The following PCNX2 variants were observed in gnomAD, a reference collection of about 807,000 sequenced individuals.
The protein encoded by PCNX2 is pecanex-like protein 2.
PCNX2 carries 168 observed loss-of-function variants against 223.8 expected under a neutral mutation model. That is an observed-to-expected ratio of 0.75 (90% CI 0.66 to 0.85). PCNX2 has a LOEUF of 0.85. PCNX2 is among the 40% of genes least tolerant of loss of function. The pLI, the probability that PCNX2 is intolerant of heterozygous loss-of-function variation, is 0.00. For missense variants in PCNX2, 2,507 were observed against 2,675.5 expected, an observed-to-expected ratio of 0.94 and a Z score of 1.39; for synonymous variants, 1,006 against 1,052.6, an observed-to-expected ratio of 0.96 and a Z score of 0.86.
chr1:233,131,981 GGCTGGAGTGCAGTGGT>G (rs2102760288), intron 21 of PCNX2, among the ~76,000 whole-genome samples: 1 of 150,976 alleles, frequency 6.6e-6, no homozygotes, highest in South Asian at 2.1e-4. Context: ...CTGTTGCCCA[GGCTGGAGTGCAGTGGT>G]GGGATTTCAG....
At chr1:233,267,026 A>G (rs992726169) in intron 1 of PCNX2, among the ~76,000 whole-genome samples, 8 of 151,024 alleles carry the variant, frequency 5.3e-5, no homozygotes, top group Non-Finnish European at 7.4e-5. Context: ...TCTTTTCTTT[A>G]AAACTTTTGT....
chr1:233,244,143 A>T (rs1658959408), intron 8 of PCNX2, among the ~76,000 whole-genome samples: 1 of 152,216 alleles, frequency 6.6e-6, no homozygotes, highest in Non-Finnish European at 1.5e-5. Flanking sequence ...TTTAATTTTT[A>T]AAGCAAACCA....
At chr1:233,295,802 C>T (rs985895751), upstream of PCNX2, 4 of 277,082 alleles carry the variant, frequency 1.4e-5, no homozygotes, top group African/African-American at 8.9e-5. The surrounding 1 kb of genome is among the most constrained non-coding windows in gnomAD (Gnocchi z 4.1). Context: ...CCGCCCAGTC[C>T]CTCCTTAGCC....
At chr1:233,137,672 G>A (rs376727157) in intron 20 of PCNX2, among the ~76,000 whole-genome samples, 3 of 152,156 alleles carry the variant, frequency 2.0e-5, no homozygotes, top group Non-Finnish European at 4.4e-5. Flanking sequence ...AGGATGTTAC[G>A]TGAAGATAGA....
intron 1 of PCNX2, among the ~76,000 whole-genome samples, chr1:233,279,086 T>G (rs1196923982): frequency 1.3e-5 from 2 of 152,232 alleles, no homozygotes; most frequent in East Asian, 3.8e-4. Flanking sequence ...GAAAATGGAA[T>G]TCAGAGACTA....
intron 25 of PCNX2, among the ~76,000 whole-genome samples, chr1:233,049,437 C>T (rs777651905): frequency 6.6e-6 from 1 of 152,112 alleles, no homozygotes; most frequent in East Asian, 1.9e-4. Context: ...AATTCAACAT[C>T]CTTTCATGGT....
In PCNX2 at chr1:233,001,522, A is replaced by AAATAATTAAAAT. The variant is rs755559576; in HGVS notation, c.5097+14_5097+15insATTTTAATTATT. The stretch of plus-strand genomic sequence containing the variant: ...TAAATAAATAAATAAATAAATAAAT[A>AAATAATTAAAAT]AAATAGGTTTTTACCTGGTGAAGTT... On this transcript the variant is annotated intron_variant, in intron 29 of 33. Coordinates refer to ENST00000258229, the MANE Select transcript of PCNX2 (RefSeq NM_014801.4). The surrounding 1 kb of genome is among the most constrained non-coding windows in gnomAD (Gnocchi z 4.2). 1.8e-6 allele frequency: 2 copies of AAATAATTAAAAT among 1,099,898 alleles called. No homozygotes were observed. The highest frequency in any genetic ancestry group is 3.8e-5 in the African/African-American group (2 of 52,986). 68.1% of individuals were successfully genotyped at this position (1,099,898 alleles called of 1,614,324 possible). A position where few individuals can be genotyped will look rare whatever the true frequency, so the allele number is the denominator to read the frequency against.
intron 8 of PCNX2, chr1:233,241,155 G>T: frequency 1.0e-6 from 1 of 982,078 alleles, no homozygotes; most frequent in East Asian, 1.1e-4. Context: ...TTTTAACAGG[G>T]ATTCTTGTTC....
chr1:233,267,275 C>A (rs554805164), intron 1 of PCNX2, among the ~76,000 whole-genome samples: 14 of 123,744 alleles, frequency 1.1e-4, no homozygotes, highest in African/African-American at 3.7e-4. Context: ...CAAGATCGCA[C>A]GCACCATTGC....
chr1:233,268,532 G>A (rs1355451940), intron 1 of PCNX2, among the ~76,000 whole-genome samples: 2 of 152,178 alleles, frequency 1.3e-5, no homozygotes, highest in African/African-American at 4.8e-5. Context: ...TTCTGGAAAT[G>A]AATAGATTCA....
rs979086203 is a variant in PCNX2 at position 233,090,179 on chromosome 1, G to C, written c.3958C>G (p.Leu1320Val). The C allele has an allele frequency of 6.2e-7, 1 of 1,612,766 alleles. No homozygotes were observed. The highest frequency in any genetic ancestry group is 8.5e-7 in the Non-Finnish European group (1 of 1,179,546). The change falls in exon 23 of 34, where the codon CTT (leucine) becomes GTT (valine). Residue 1320 changes from leucine (L) to valine (V), a missense_variant. Leu to Val is a conservative substitution (Grantham distance 32). Around this residue, in one of 3 missense-constraint regions of PCNX2, gnomAD observed 1,372 missense variants for 1,509.4 expected, o/e 0.91. Coordinates refer to ENST00000258229, the MANE Select transcript of PCNX2 (RefSeq NM_014801.4). ...GATGTGGCAATCGTCTGAAAGAAAA[G>C]CATGGCAGAATCTGAGAATGTTGAG... Reference protein sequence around the residue: ...QLFAIPHSAMLFFQTIATSIF... With the variant: ...QLFAIPHSAMVFFQTIATSIF...
intron 21 of PCNX2, among the ~76,000 whole-genome samples, chr1:233,098,033 A>G (rs1674279920): frequency 6.6e-6 from 1 of 152,162 alleles, no homozygotes; most frequent in Admixed American, 6.6e-5. Flanking sequence ...TCACCCCCCT[A>G]TTAAGAATTC....
intron 27 of PCNX2, among the ~76,000 whole-genome samples, chr1:233,015,341 C>T (rs1290938897): frequency 6.6e-6 from 1 of 152,086 alleles, no homozygotes; most frequent in Non-Finnish European, 1.5e-5. Context: ...TCACTTGAGC[C>T]CAGGAGTTCA....
the PCNX2 span, among the ~76,000 whole-genome samples, chr1:233,323,651 C>A: frequency 6.6e-6 from 1 of 152,212 alleles, no homozygotes; most frequent in African/African-American, 2.4e-5. Context: ...TGGAGCACCA[C>A]AAACCACACC....
At chr1:233,158,304 C>T (rs984819591) in intron 19 of PCNX2, among the ~76,000 whole-genome samples, 5 of 152,168 alleles carry the variant, frequency 3.3e-5, no homozygotes, top group African/African-American at 7.2e-5. Flanking sequence ...CCTTCAGCTT[C>T]ACAGGTTCTC....
chr1:233,083,192 G>C (rs1006106360), intron 23 of PCNX2, among the ~76,000 whole-genome samples: 9 of 152,142 alleles, frequency 5.9e-5, no homozygotes, highest in African/African-American at 1.7e-4. Context: ...GGTGGGGAGG[G>C]TTAGGGGCAA....
chr1:233,020,489 C>A (rs1558167971), intron 26 of PCNX2, among the ~76,000 whole-genome samples: 1 of 152,238 alleles, frequency 6.6e-6, no homozygotes, highest in East Asian at 1.9e-4. Context: ...TGAATAAATT[C>A]ACAATATCTG....
the PCNX2 span, among the ~76,000 whole-genome samples, chr1:233,309,739 A>G: frequency 2.0e-5 from 3 of 151,612 alleles, no homozygotes; most frequent in Admixed American, 1.3e-4. Context: ...TTAGACAGGC[A>G]TGGTGGTGGG....
chr1:233,326,517 C>A, the PCNX2 span, among the ~76,000 whole-genome samples: 1 of 152,040 alleles, frequency 6.6e-6, no homozygotes, highest in Non-Finnish European at 1.5e-5. Context: ...TTATTATATT[C>A]CCATTTTATA....
Sources: gnomAD v4.1 joint callset for allele counts (sites outside exome capture counted in the v4.1 genomes callset) on GRCh38, gnomAD v4.1.1 for gene constraint, gnomAD v4.1.1 regional missense constraint, Gnocchi (gnomAD v3.1) non-coding constraint, MANE v1.5 for transcripts, NCBI Gene and HGNC (gene_info 2026-07-23, HGNC 2026-07-21) for gene names.